TSKU: variants seen among roughly 807,000 people sequenced by gnomAD.
TSKU encodes tsukushi, small leucine rich proteoglycan.
A neutral mutation model predicts 11.2 loss-of-function variants in TSKU; 4 were observed. The observed-to-expected ratio is 0.36, with a 90% CI of 0.18 to 0.82. The LOEUF is 0.82. TSKU is among the 40% of genes least tolerant of loss of function. The pLI is 0.50. For synonymous variants in TSKU, 220 were observed against 232.2 expected (o/e 0.95, Z 0.48); for missense variants, 407 against 482.5 (o/e 0.84, Z 1.47).
At chr11:76,788,457 AGTCTC>A (rs568682809) in intron 1 of TSKU, among the ~76,000 whole-genome samples, 115 of 152,186 alleles carry the variant, frequency 7.6e-4, no homozygotes, top group African/African-American at 2.5e-3. Context: ...CATCACAGCC[AGTCTC>A]GGACCTGCTG....
intron 1 of TSKU, among the ~76,000 whole-genome samples, chr11:76,789,660 A>C (rs1944345499): frequency 6.6e-6 from 1 of 152,190 alleles, no homozygotes; most frequent in Non-Finnish European, 1.5e-5. Flanking sequence ...TGTGTTTTAT[A>C]ATCTGGTCAA....
chr11:76,796,140 A>C lies in TSKU; in HGVS notation c.524A>C (p.His175Pro). 1 of 1,612,282 alleles carries C rather than the reference A, an allele frequency of 6.2e-7. No homozygotes were observed. The highest frequency in any genetic ancestry group is 1.1e-5 in the South Asian group (1 of 90,946). Residue 175 changes from histidine to proline, a missense_variant, in exon 2 of 2, where the codon CAC becomes CCC. By Grantham distance (77) the His-to-Pro change is moderately conservative (BLOSUM62 -2). Transcript: ENST00000333090. The surrounding 1 kb of genome is among the most constrained non-coding windows in gnomAD (Gnocchi z 4.1). Reference protein sequence around the residue: ...SHNLIHRLVPHPTRAGLPAPT... With the variant: ...SHNLIHRLVPPPTRAGLPAPT... The stretch of plus-strand genomic sequence containing the variant: ...AACCTCATTCACCGCCTCGTGCCCC[A>C]CCCCACGAGGGCCGGCCTGCCTGCG...
rs1565129080 is a variant in TSKU, at chr11:76,795,833, G to A, written c.217G>A (p.Val73Met). The A allele has an allele frequency of 6.2e-7, 1 of 1,614,018 alleles. No individual in the cohort carries two copies. The highest frequency in any genetic ancestry group is 8.5e-7 in the Non-Finnish European group (1 of 1,180,024). Residue 73 changes from valine to methionine, a missense_variant, in exon 2 of 2, where the codon GTG becomes ATG. By Grantham distance (21) the Val-to-Met change is conservative. Coordinates refer to ENST00000333090, the MANE Select transcript of TSKU (RefSeq NM_015516.4). ...LDLSSNRLEM[V>M]NESVLAGPGY... ...CCTGTCCTCCAACCGGCTGGAGATG[G>A]TGAATGAGTCGGTGTTGGCGGGGCC... is the stretch of plus-strand genomic sequence containing the variant.
In TSKU at chr11:76,793,827, G is replaced by T. The variant is rs571108842; in HGVS notation, c.-8-1782G>T. ...GGGTGGGAGAGGAGGGTCCCACATG[G>T]GGAGGGGGGCAGGGGAGAAGAGTCC... On this transcript the variant is annotated intron_variant, in intron 1 of 1. Transcript: ENST00000333090. 9.2e-5 allele frequency among the ~76,000 whole-genome samples: 14 copies of T among 152,284 alleles called. No homozygotes were observed. The East Asian group carries it at 2.5e-3, about 27-fold the overall frequency.
intron 1 of TSKU, among the ~76,000 whole-genome samples, chr11:76,789,384 A>G (rs1944342660): frequency 6.6e-6 from 1 of 152,212 alleles, no homozygotes; most frequent in South Asian, 2.1e-4. Context: ...GAGGTTTCTG[A>G]TAAGGAGAGT....
Position 76,796,377 on chromosome 11 carries a change from CG to C in TSKU, c.764del (p.Gly255AlafsTer24), listed in dbSNP as rs1360932582. The C allele has an allele frequency of 6.2e-7, 1 of 1,613,222 alleles. No homozygotes were observed. Among genetic ancestry groups the C allele is most frequent in the Non-Finnish European group, 8.5e-7 (1 of 1,179,992 alleles). On this transcript the variant is annotated frameshift_variant, in exon 2 of 2. Coordinates refer to ENST00000333090, the MANE Select transcript of TSKU (RefSeq NM_015516.4). LOFTEE classifies it high-confidence loss of function. The surrounding 1 kb of genome is among the most constrained non-coding windows in gnomAD (Gnocchi z 4.1). The stretch of plus-strand genomic sequence containing the variant: ...GCGCCCAGTGGCTTCCGTGAGCTAC[CG>C]GGCCTGCAGGTCCTGGACCTGTCGG... ...ELAPSGFREL[P>X]GLQVLDLSGN...
intron 1 of TSKU, among the ~76,000 whole-genome samples, chr11:76,784,694 G>A (rs756433138): frequency 1.2e-4 from 17 of 139,262 alleles, no homozygotes; most frequent in Non-Finnish European, 2.2e-4. Context: ...ATCTTTGTGC[G>A]CCCTGCCCTT....
Position 76,796,768 on chromosome 11 carries a change from T to G in TSKU, c.*90T>G. 3 of 1,063,744 alleles carry G rather than the reference T, an allele frequency of 2.8e-6. No individual in the cohort carries two copies. Among genetic ancestry groups the G allele is most frequent in the Admixed American group, 3.3e-5 (1 of 30,630 alleles). The allele number at this position is 1,063,744 out of a possible 1,614,324, so 65.9% of individuals were successfully genotyped here. On this transcript the variant is annotated 3_prime_UTR_variant, in exon 2 of 2. Coordinates refer to ENST00000333090, the MANE Select transcript of TSKU (RefSeq NM_015516.4). This position sits in a 1 kb window ranked among gnomAD's most constrained non-coding sequence, Gnocchi z 4.1. Reference sequence around the variant, plus strand: ...CTTATGTTCAATGTGCCAACACCAGTGGGGAGCCCGCAGGCCTATGTGGCA... The same window carrying G: ...CTTATGTTCAATGTGCCAACACCAGGGGGGAGCCCGCAGGCCTATGTGGCA...
chr11:76,789,916 C>A (rs1284371459), intron 1 of TSKU, among the ~76,000 whole-genome samples: 1 of 152,004 alleles, frequency 6.6e-6, no homozygotes, highest in Non-Finnish European at 1.5e-5. Context: ...GAGCCCCAGT[C>A]TCCTGGGTCC....
intron 1 of TSKU, among the ~76,000 whole-genome samples, chr11:76,784,987 C>T (rs1415260783): frequency 1.3e-5 from 2 of 152,352 alleles, no homozygotes; most frequent in East Asian, 1.9e-4. Context: ...TATTGATAGC[C>T]TCTTCTGTTC....
In TSKU at chr11:76,796,734, C is replaced by G. The variant is rs992705471; in HGVS notation, c.*56C>G. On this transcript the variant is annotated 3_prime_UTR_variant, in exon 2 of 2. Transcript: ENST00000333090. The surrounding 1 kb of genome is among the most constrained non-coding windows in gnomAD (Gnocchi z 4.1). ...ACTGCTGTCCTGGGCTGCCTCAGGT[C>G]CCGAGTAACTTATGTTCAATGTGCC... is the stretch of plus-strand genomic sequence containing the variant. The G allele has an allele frequency of 4.5e-6, 6 of 1,339,044 alleles. No individual in the cohort carries two copies. The highest frequency in any genetic ancestry group is 5.9e-6 in the Non-Finnish European group (6 of 1,011,286). The allele number at this position is 1,339,044 out of a possible 1,614,324, so 82.9% of individuals were successfully genotyped here. A position where few individuals can be genotyped will look rare whatever the true frequency, so the allele number is the denominator to read the frequency against.
chr11:76,796,694 A>C lies in TSKU; in HGVS notation c.*16A>C. On this transcript the variant is annotated 3_prime_UTR_variant, in exon 2 of 2. Coordinates refer to ENST00000333090, the MANE Select transcript of TSKU (RefSeq NM_015516.4). This position sits in a 1 kb window ranked among gnomAD's most constrained non-coding sequence, Gnocchi z 4.1. ...CATCTTGTGACAAATGGTGTGGCCC[A>C]GGGCCACATAACAGACTGCTGTCCT... 6.9e-7 allele frequency: 1 copy of C among 1,440,160 alleles called. No homozygotes were observed. The highest frequency in any genetic ancestry group is 9.2e-7 in the Non-Finnish European group (1 of 1,090,478). 89.2% of individuals were successfully genotyped at this position (1,440,160 alleles called of 1,614,324 possible).
intron 1 of TSKU, among the ~76,000 whole-genome samples, chr11:76,785,546 G>A (rs183802591): frequency 6.6e-6 from 1 of 152,318 alleles, no homozygotes; most frequent in African/African-American, 2.4e-5. Flanking sequence ...GCATGTGCAG[G>A]ACCTGTGCAT....
rs147754630 is a variant in TSKU at position 76,787,128 on chromosome 11, G to A, written c.-9+3724G>A. ...CTGGGATTATCACCATATTACAGAC[G>A]AGGACTCAGAGGGGTGAGGGCACGA... On this transcript the variant is annotated intron_variant, in intron 1 of 1. Transcript: ENST00000333090. Among the ~76,000 whole-genome samples, 801 of 152,234 alleles carry A rather than the reference G, an allele frequency of 5.3e-3. 2 individuals are homozygous for A. The highest frequency in any genetic ancestry group is 0.01 in the Middle Eastern group (3 of 294).
At chr11:76,792,570 A>G (rs2134398481) in intron 1 of TSKU, 1 of 152,254 alleles carries the variant, frequency 6.6e-6, no homozygotes. Context: ...TGTGGGAGGG[A>G]CCCAGTGGGA....
At chr11:76,790,828 G>A (rs758320443) in intron 1 of TSKU, among the ~76,000 whole-genome samples, 8 of 152,172 alleles carry the variant, frequency 5.3e-5, no homozygotes, top group Non-Finnish European at 1.0e-4. Context: ...TGGGGGCATT[G>A]CTGAAAAGAT....
rs374647940 is a variant in TSKU at position 76,795,682 on chromosome 11, C to T, written c.66C>T (p.Pro22=). 30 of 1,613,950 alleles carry T rather than the reference C, an allele frequency of 1.9e-5. No individual in the cohort carries two copies. The highest frequency in any genetic ancestry group is 8.0e-5 in the African/African-American group (6 of 74,946). The change falls in exon 2 of 2, where the codon CCC becomes CCT. Residue 22 remains proline (P), a synonymous_variant. Transcript: ENST00000333090. Reference sequence around the variant, plus strand: ...CCCAGACAACCCGGCCATGCTTCCCCGGGTGCCAATGCGAGGTGGAGACCT... The same window carrying T: ...CCCAGACAACCCGGCCATGCTTCCCTGGGTGCCAATGCGAGGTGGAGACCT... ...SGAQTTRPCF[P]GCQCEVETFG...
chr11:76,789,680 A>C (rs1318009540), intron 1 of TSKU, among the ~76,000 whole-genome samples: 2 of 152,194 alleles, frequency 1.3e-5, no homozygotes, highest in Admixed American at 1.3e-4. Flanking sequence ...ATCAGTGGAT[A>C]TCTTGTATCT....
chr11:76,787,884 A>G (rs560590546), intron 1 of TSKU, among the ~76,000 whole-genome samples: 2 of 152,122 alleles, frequency 1.3e-5, no homozygotes, highest in Non-Finnish European at 2.9e-5. Context: ...AGTAACATCC[A>G]TTTCTGTGTC....
Sources: gnomAD v4.1 joint callset for allele counts (sites outside exome capture counted in the v4.1 genomes callset) on GRCh38, gnomAD v4.1.1 for gene constraint, Gnocchi (gnomAD v3.1) non-coding constraint, MANE v1.5 for transcripts, NCBI Gene and HGNC (gene_info 2026-07-23, HGNC 2026-07-21) for gene names.